Variants in CPAMD8 observed in about 807,000 individuals in gnomAD.
CPAMD8 encodes the protein C3 and PZP-like alpha-2-macroglobulin domain-containing protein 8.
A neutral mutation model predicts 224.7 loss-of-function variants in CPAMD8; 146 were observed. That is an observed-to-expected ratio of 0.65 (90% CI 0.57 to 0.75). The LOEUF (loss-of-function observed/expected upper bound fraction) is 0.75, where lower values mean the gene tolerates loss of function less well. Among genes scored for constraint, CPAMD8 ranks in the 30% least tolerant of loss-of-function variants. The pLI is 0.00. For missense variants in CPAMD8, 2,301 were observed against 2,537.5 expected, an observed-to-expected ratio of 0.91 and a Z score of 2.00; for synonymous variants, 966 against 1,044.6, an observed-to-expected ratio of 0.92 and a Z score of 1.45.
intron 23 of CPAMD8, among the ~76,000 whole-genome samples, chr19:16,934,905 A>G (rs1218673871): frequency 6.6e-6 from 1 of 152,096 alleles, no homozygotes; most frequent in Admixed American, 6.6e-5. Context: ...ACCATCACCC[A>G]TTTCAAGAAC....
At chr19:17,017,908 C>T (rs968187648) in intron 3 of CPAMD8, among the ~76,000 whole-genome samples, 1 of 151,984 alleles carries the variant, frequency 6.6e-6, no homozygotes, top group South Asian at 2.1e-4. Context: ...TGGTGCACAC[C>T]TGTAATCCCA....
At chr19:16,983,393 C>T (rs2055584202) in intron 13 of CPAMD8, among the ~76,000 whole-genome samples, 1 of 138,730 alleles carries the variant, frequency 7.2e-6, no homozygotes, top group African/African-American at 3.1e-5. Context: ...AGTGAGACTC[C>T]ATCTCAAAAT....
chr19:16,907,239 T>C, intron 29 of CPAMD8, 122 bp from the exon 30 acceptor site: 2 of 1,244,624 alleles, frequency 1.6e-6, no homozygotes, highest in Non-Finnish European at 2.0e-6. Context: ...TTGCTTTGCA[T>C]CCTTCTGTGG....
chr19:16,997,325 C>A lies in CPAMD8; in HGVS notation c.881G>T (p.Arg294Leu). The A allele has an allele frequency of 6.4e-7, 1 of 1,569,692 alleles. No homozygotes were observed. The highest frequency in any genetic ancestry group is 2.3e-5 in the East Asian group (1 of 43,776). ...VLRTTKILGS[R>L]DFDICVRDMI... ...GTCCCTCACGCAGATGTCGAAGTCC[C>A]GGGAGCCGAGGATCTGGAGGGAGGA... Residue 294 changes from arginine to leucine, a missense_variant, in exon 11 of 42, where the codon CGG becomes CTG. Transcript: ENST00000443236.
chr19:16,914,878 G>A, intron 27 of CPAMD8, 65 bp from the exon 28 acceptor site: 2 of 1,251,396 alleles, frequency 1.6e-6, no homozygotes, highest in Non-Finnish European at 2.2e-6. Flanking sequence ...GCTGGCTGAG[G>A]GATTGCAGCA....
chr19:16,967,260 G>A (rs575361844), intron 18 of CPAMD8, among the ~76,000 whole-genome samples: 1 of 139,916 alleles, frequency 7.1e-6, no homozygotes, highest in African/African-American at 2.7e-5. Flanking sequence ...AATACTGCAT[G>A]TTCTCACTCA....
At chr19:17,014,043 C>CTCTCTCTCTCTCTT (rs773922267) in intron 3 of CPAMD8, among the ~76,000 whole-genome samples, 25 of 138,166 alleles carry the variant, frequency 1.8e-4, no homozygotes, top group Non-Finnish European at 3.4e-4. Flanking sequence ...TTCTTTCTTT[C>CTCTCTCTCTCTCTT]TCTTTCTCTT....
intron 9 of CPAMD8, 81 bp from the exon 10 acceptor site, chr19:17,000,603 A>AC: frequency 1.4e-6 from 1 of 697,374 alleles, no homozygotes; most frequent in Non-Finnish European, 2.6e-6. Context: ...CCAGGTTGAC[A>AC]TAGTGTGGCC....
At chr19:17,006,304 T>G (rs578075614) in intron 7 of CPAMD8, among the ~76,000 whole-genome samples, 103 of 152,140 alleles carry the variant, frequency 6.8e-4, no homozygotes, top group African/African-American at 2.4e-3. Flanking sequence ...CTTCCCCAAC[T>G]CTGTGCTCTT....
intron 29 of CPAMD8, 73 bp from the exon 30 acceptor site, chr19:16,907,190 A>C (rs1393007802): frequency 4.5e-5 from 62 of 1,388,210 alleles, no homozygotes; most frequent in Non-Finnish European, 5.8e-5. Context: ...CTGGCTTCTG[A>C]GGCATCCCCG....
intron 6 of CPAMD8, 41 bp downstream of exon 6, chr19:17,009,262 G>A (rs566800785): frequency 6.2e-6 from 10 of 1,613,838 alleles, no homozygotes; most frequent in South Asian, 3.3e-5. Flanking sequence ...TGGGCTACCC[G>A]GGCCCCAAGT....
chr19:16,946,585 G>A (rs372448637), intron 21 of CPAMD8, among the ~76,000 whole-genome samples: 52 of 144,552 alleles, frequency 3.6e-4, no homozygotes, highest in Admixed American at 2.3e-3. Context: ...GTATATGCAC[G>A]TCTACACGTG....
intron 11 of CPAMD8, among the ~76,000 whole-genome samples, chr19:16,996,803 A>T (rs1367720322): frequency 1.6e-5 from 2 of 125,750 alleles, no homozygotes; most frequent in African/African-American, 3.1e-5. Flanking sequence ...TGGGCGATGG[A>T]GTGTGACTAT....
At chr19:16,918,442 CTT>C (rs869059553) in intron 27 of CPAMD8, among the ~76,000 whole-genome samples, 9 of 39,388 alleles carry the variant, frequency 2.3e-4, no homozygotes, top group Non-Finnish European at 3.0e-4. Context: ...ATTTTTAAAA[CTT>C]TTTTTTTTTT....
rs28591582 is a variant in CPAMD8 at position 17,014,037 on chromosome 19, T to C, written c.268-2280A>G. ...CTCCCTCCATCCCTCCCTTCTTTCTTTCTTTCTCTTTCTCTTTCTTTCTTT... is the reference window on the plus strand; with the variant it reads ...CTCCCTCCATCCCTCCCTTCTTTCTCTCTTTCTCTTTCTCTTTCTTTCTTT... On this transcript the variant is annotated intron_variant, in intron 3 of 41. Transcript: ENST00000443236. 5.6e-3 allele frequency among the ~76,000 whole-genome samples: 370 copies of C among 65,974 alleles called. 1 individual carries two copies. Among genetic ancestry groups the C allele is most frequent in the African/African-American group, 0.012 (344 of 28,966 alleles). The allele number at this position is 65,974 out of a possible 152,430, so 43.3% of individuals were successfully genotyped here.
intron 23 of CPAMD8, among the ~76,000 whole-genome samples, chr19:16,936,231 T>A (rs761822489): frequency 6.6e-6 from 1 of 151,824 alleles, no homozygotes; most frequent in African/African-American, 2.4e-5. Flanking sequence ...CCCAGCTCTA[T>A]TTTTAATCTT....
intron 23 of CPAMD8, among the ~76,000 whole-genome samples, chr19:16,932,231 G>A (rs8109152): frequency 0.049 from 7,509 of 152,172 alleles, 627 homozygotes; most frequent in African/African-American, 0.17. Flanking sequence ...ACCAGCCTGG[G>A]CAACATGGCG....
chr19:16,893,438 C>T, intron 41 of CPAMD8, 99 bp from the exon 42 acceptor site: 1 of 842,414 alleles, frequency 1.2e-6, no homozygotes, highest in South Asian at 1.8e-5. Flanking sequence ...TGTAGGGTGC[C>T]AGGGGTGGGG....
intron 20 of CPAMD8, among the ~76,000 whole-genome samples, chr19:16,950,037 C>T (rs982569242): frequency 1.1e-4 from 16 of 152,280 alleles, no homozygotes; most frequent in Admixed American, 7.9e-4. Context: ...GTGGCTCATG[C>T]CTGTAATCCC....
Sources: allele counts gnomAD v4.1 joint callset (sites outside exome capture counted in the v4.1 genomes callset), GRCh38; gene constraint gnomAD v4.1.1; transcripts MANE v1.5; gene names NCBI Gene and HGNC (gene_info 2026-07-23, HGNC 2026-07-21).